MNAT1: variants seen among roughly 807,000 people sequenced by gnomAD.
MNAT1 encodes the protein MNAT1 component of CDK activating kinase.
Under a neutral mutation model 42.0 loss-of-function variants are expected in MNAT1, and 43 were observed. That is an observed-to-expected ratio of 1.02 (90% CI 0.80 to 1.32). The LOEUF is 1.32. Ranked by LOEUF, MNAT1 falls within the 40% of genes most tolerant of loss-of-function variation. The probability of loss-of-function intolerance (pLI) is 0.00; values close to 1 mark genes in which losing one functional copy is unlikely to be tolerated. For missense variants in MNAT1, 306 were observed against 350.4 expected, an observed-to-expected ratio of 0.87 and a Z score of 1.01; for synonymous variants, 118 against 120.0, an observed-to-expected ratio of 0.98 and a Z score of 0.11.
At chr14:60,791,643 G>A (rs1036493755) in intron 1 of MNAT1, among the ~76,000 whole-genome samples, 20 of 152,126 alleles carry the variant, frequency 1.3e-4, no homozygotes, top group African/African-American at 3.6e-4. Flanking sequence ...AATGATTATC[G>A]TAGACAAAGT....
At chr14:60,931,976 G>A (rs983730947) in intron 7 of MNAT1, among the ~76,000 whole-genome samples, 1 of 151,852 alleles carries the variant, frequency 6.6e-6, no homozygotes, top group African/African-American at 2.4e-5. Context: ...AATTAAGTTT[G>A]TGTGTAAATA....
At chr14:60,955,419 TGGGAGGCCGAGACAG>T (rs1325009996) in intron 7 of MNAT1, among the ~76,000 whole-genome samples, 1 of 151,960 alleles carries the variant, frequency 6.6e-6, no homozygotes, top group Non-Finnish European at 1.5e-5. Flanking sequence ...CCCAGCACTT[TGGGAGGCCGAGACAG>T]GTGAGTCACC....
At chr14:60,863,474 G>T (rs1056242192) in intron 6 of MNAT1, among the ~76,000 whole-genome samples, 4 of 152,058 alleles carry the variant, frequency 2.6e-5, no homozygotes, top group African/African-American at 4.8e-5. Flanking sequence ...AACAACTGAC[G>T]GAATGTTAGT....
chr14:60,802,442 A>G (rs1384707267), intron 3 of MNAT1, among the ~76,000 whole-genome samples: 1 of 152,144 alleles, frequency 6.6e-6, no homozygotes, highest in Non-Finnish European at 1.5e-5. Flanking sequence ...TGTACCCCAT[A>G]GATATATACA....
chr14:60,793,211 GTTTGTTTT>G (rs2031886816), intron 1 of MNAT1, among the ~76,000 whole-genome samples: 1 of 151,348 alleles, frequency 6.6e-6, no homozygotes, highest in South Asian at 2.1e-4. Context: ...TTGTTTGTTT[GTTTGTTTT>G]TTTGTAGGAA....
At chr14:60,750,054 G>A (rs1041404847) in intron 1 of MNAT1, among the ~76,000 whole-genome samples, 6 of 152,022 alleles carry the variant, frequency 3.9e-5, no homozygotes, top group Admixed American at 6.6e-5. Flanking sequence ...ATAGTCTTTC[G>A]AGGTGGGGAC....
chr14:60,765,107 C>A (rs972183039), intron 1 of MNAT1, among the ~76,000 whole-genome samples: 25 of 152,306 alleles, frequency 1.6e-4, no homozygotes, highest in African/African-American at 5.1e-4. Context: ...CAAAAATTAG[C>A]TGGGCTTGCG....
intron 1 of MNAT1, among the ~76,000 whole-genome samples, chr14:60,783,271 C>A (rs2140315958): frequency 6.6e-6 from 1 of 152,260 alleles, no homozygotes; most frequent in South Asian, 2.1e-4. Context: ...GTAGAGAGAT[C>A]CCCAGAGATT....
chr14:60,742,622 T>C (rs1896507449), intron 1 of MNAT1, among the ~76,000 whole-genome samples: 4 of 152,300 alleles, frequency 2.6e-5, no homozygotes, highest in South Asian at 4.2e-4. Flanking sequence ...CCCACAAAGA[T>C]ACCTCTCACC....
intron 6 of MNAT1, among the ~76,000 whole-genome samples, chr14:60,856,498 G>A (rs966781658): frequency 2.0e-5 from 3 of 152,100 alleles, no homozygotes; most frequent in African/African-American, 7.2e-5. Flanking sequence ...GTTGCTACCC[G>A]GAACAACATA....
chr14:60,967,130 C>T (rs1005630407), intron 7 of MNAT1, among the ~76,000 whole-genome samples: 3 of 152,112 alleles, frequency 2.0e-5, no homozygotes, highest in Admixed American at 6.5e-5. Flanking sequence ...TTAGCTGCAT[C>T]CTACCTTGAC....
chr14:60,906,642 G>A (rs1419424115), intron 7 of MNAT1, among the ~76,000 whole-genome samples: 1 of 152,094 alleles, frequency 6.6e-6, no homozygotes, highest in Non-Finnish European at 1.5e-5. Context: ...TGCTCCTAGG[G>A]TTTTATCTGA....
intron 6 of MNAT1, among the ~76,000 whole-genome samples, chr14:60,870,490 T>G (rs1182825184): frequency 6.6e-6 from 1 of 152,146 alleles, no homozygotes; most frequent in African/African-American, 2.4e-5. Flanking sequence ...GTCAGGAAAA[T>G]GTACCTGAAT....
rs143929318 is a variant in MNAT1, at chr14:60,859,895, A to G, written c.688-19819A>G. 5.2e-3 allele frequency among the ~76,000 whole-genome samples: 789 copies of G among 152,330 alleles called. 15 individuals are homozygous for G. The highest frequency in any genetic ancestry group is 0.018 in the African/African-American group (739 of 41,586). On this transcript the variant is annotated intron_variant, in intron 6 of 7. Coordinates refer to ENST00000261245, the MANE Select transcript of MNAT1 (RefSeq NM_002431.4). ...TATGGGAATATATAACGCCTGGGAA[A>G]GTTACTAAGTGCTGGGTAAGAATGC...
At chr14:60,959,219 C>T (rs540427360) in intron 7 of MNAT1, among the ~76,000 whole-genome samples, 15 of 152,270 alleles carry the variant, frequency 9.9e-5, no homozygotes, top group East Asian at 3.9e-4. Flanking sequence ...AGCAAGCTGC[C>T]GTGGTCCACC....
chr14:60,737,390 T>C (rs535511156), intron 1 of MNAT1, among the ~76,000 whole-genome samples: 1 of 152,178 alleles, frequency 6.6e-6, no homozygotes, highest in Admixed American at 6.6e-5. Flanking sequence ...TAAACATATA[T>C]ATATGTGTGT....
chr14:60,871,824 T>C (rs540118644), intron 6 of MNAT1, among the ~76,000 whole-genome samples: 6 of 152,140 alleles, frequency 3.9e-5, no homozygotes, highest in Non-Finnish European at 8.8e-5. Context: ...GGTTTCACCA[T>C]GTCGGCCAGG....
intron 6 of MNAT1, among the ~76,000 whole-genome samples, chr14:60,831,284 C>A (rs1232861077): frequency 6.6e-6 from 1 of 151,910 alleles, no homozygotes; most frequent in African/African-American, 2.4e-5. Flanking sequence ...ACCCATCAAC[C>A]CATCATCTAC....
intron 7 of MNAT1, among the ~76,000 whole-genome samples, chr14:60,927,410 T>A (rs1405837972): frequency 6.6e-6 from 1 of 152,214 alleles, no homozygotes; most frequent in East Asian, 1.9e-4. Context: ...AATATATGAT[T>A]CAGTGATTTT....
Sources: allele counts gnomAD v4.1 joint callset (sites outside exome capture counted in the v4.1 genomes callset), GRCh38; gene constraint gnomAD v4.1.1; transcripts MANE v1.5; gene names NCBI Gene and HGNC (gene_info 2026-07-23, HGNC 2026-07-21).